Variants in BCL7A observed in about 807,000 individuals in gnomAD.
BCL7A encodes the protein BAF chromatin remodeling complex subunit BCL7A.
In BCL7A, 11 loss-of-function variants were observed where a neutral mutation model predicts 28.4. That is an observed-to-expected ratio of 0.39 (90% CI 0.24 to 0.64). The LOEUF is 0.64. Ranked by LOEUF, BCL7A falls within the 30% of genes least tolerant of loss-of-function variation. BCL7A has a pLI of 0.50. For missense variants in BCL7A, 222 were observed against 274.8 expected, an observed-to-expected ratio of 0.81 and a Z score of 1.36; for synonymous variants, 123 against 103.3, an observed-to-expected ratio of 1.19 and a Z score of -1.15.
chr12:122,036,530 AGGAAAC>A (rs917736628), intron 3 of BCL7A, among the ~76,000 whole-genome samples: 3 of 152,092 alleles, frequency 2.0e-5, no homozygotes, highest in African/African-American at 7.2e-5. Context: ...TTTATTTGAG[AGGAAAC>A]GTGCAAATGA....
chr12:122,021,918 GTGTGTGTGTGTA>G lies in BCL7A; in HGVS notation c.-162_-151del, dbSNP rs1338487641. The G allele has an allele frequency of 1.0e-3, 308 of 296,486 alleles. 2 individuals carry two copies. The highest frequency in any genetic ancestry group is 2.6e-4 in the Non-Finnish European group (40 of 153,220). 18.4% of individuals were successfully genotyped at this position (296,486 alleles called of 1,614,324 possible). A position where few individuals can be genotyped will look rare whatever the true frequency, so the allele number is the denominator to read the frequency against. On this transcript the variant is annotated 5_prime_UTR_variant, in exon 1 of 6. It removes an upstream start codon present in the reference 5' UTR. Transcript: ENST00000261822. ...CAGGCGCGCGGCGGCCCCGGGCTTT[GTGTGTGTGTGTA>G]TGTGTGTGTGTGTGTGTGTGTGTGT... is the stretch of plus-strand genomic sequence containing the variant.
chr12:122,057,197 C>A lies in BCL7A; in HGVS notation c.562-1895C>A, dbSNP rs560797829. Among the ~76,000 whole-genome samples the A allele has an allele frequency of 2.6e-5, 4 of 152,304 alleles. No homozygotes were observed. The East Asian group carries it at 7.7e-4, about 29-fold the overall frequency. On this transcript the variant is annotated intron_variant, in intron 5 of 5. Coordinates refer to ENST00000261822, the MANE Select transcript of BCL7A (RefSeq NM_001024808.3). ...GAGCCGGACATGAAGGGGGCCCAGG[C>A]TGGGACGGTGAGCTCTCCAGGCAGG...
intron 4 of BCL7A, among the ~76,000 whole-genome samples, chr12:122,051,239 G>A (rs554237720): frequency 1.6e-4 from 25 of 152,252 alleles, no homozygotes; most frequent in South Asian, 1.2e-3. Context: ...GGGCCTGCAC[G>A]GCTGCCCTGC....
At chr12:122,052,966 A>T (rs1199704849) in intron 4 of BCL7A, among the ~76,000 whole-genome samples, 1 of 145,724 alleles carries the variant, frequency 6.9e-6, no homozygotes, top group East Asian at 2.1e-4. Context: ...CTGGGATTAC[A>T]GGCGTGAGCC....
At chr12:122,023,609 T>G (rs530458016) in intron 1 of BCL7A, among the ~76,000 whole-genome samples, 1 of 152,248 alleles carries the variant, frequency 6.6e-6, no homozygotes, top group African/African-American at 2.4e-5. Context: ...TTGGCTCCAG[T>G]GGGACAAAGA....
chr12:122,036,452 C>G (rs1330785809), intron 3 of BCL7A, among the ~76,000 whole-genome samples: 2 of 152,172 alleles, frequency 1.3e-5, no homozygotes, highest in Non-Finnish European at 2.9e-5. Flanking sequence ...CTAGGTCCAT[C>G]AACCAAATCC....
At chr12:122,058,051 T>C (rs1335537793) in intron 5 of BCL7A, among the ~76,000 whole-genome samples, 3 of 150,790 alleles carry the variant, frequency 2.0e-5, no homozygotes, top group Admixed American at 6.6e-5. Context: ...AAAAAAATCA[T>C]CCGGGCATGG....
chr12:122,021,998 G>C lies in BCL7A; in HGVS notation c.-94G>C. 9.8e-7 allele frequency: 1 copy of C among 1,017,248 alleles called. No homozygotes were observed. Among genetic ancestry groups the C allele is most frequent in the South Asian group, 1.5e-5 (1 of 68,048 alleles). The allele number at this position is 1,017,248 out of a possible 1,614,324, so 63.0% of individuals were successfully genotyped here. A position where few individuals can be genotyped will look rare whatever the true frequency, so the allele number is the denominator to read the frequency against. ...AGAGTGCGAGTGTCTGTGCGCGAGT[G>C]AGTGAGCGGCGGGCGGGCGCGAGTG... On this transcript the variant is annotated 5_prime_UTR_variant, in exon 1 of 6. Coordinates refer to ENST00000261822, the MANE Select transcript of BCL7A (RefSeq NM_001024808.3).
intron 4 of BCL7A, among the ~76,000 whole-genome samples, chr12:122,053,668 C>T (rs1884244636): frequency 6.6e-6 from 1 of 151,970 alleles, no homozygotes; most frequent in Admixed American, 6.6e-5. Flanking sequence ...CCGCCACTGC[C>T]TCCTCCCAAG....
At chr12:122,025,149 G>T (rs567600992) in intron 1 of BCL7A, among the ~76,000 whole-genome samples, 1 of 152,126 alleles carries the variant, frequency 6.6e-6, no homozygotes, top group Non-Finnish European at 1.5e-5. Flanking sequence ...GCCCTGTGCT[G>T]GTGGAGGAGA....
intron 2 of BCL7A, among the ~76,000 whole-genome samples, 181 bp downstream of exon 2, chr12:122,030,962 C>T (rs1289442327): frequency 6.6e-6 from 1 of 152,186 alleles, no homozygotes; most frequent in Non-Finnish European, 1.5e-5. Context: ...CCCTCCCACT[C>T]CAGCCCCAGA....
At chr12:122,039,093 G>C (rs912257963) in intron 3 of BCL7A, among the ~76,000 whole-genome samples, 2 of 151,880 alleles carry the variant, frequency 1.3e-5, no homozygotes, top group East Asian at 1.9e-4. Flanking sequence ...TTGGGAGATC[G>C]AGACCATCCT....
chr12:122,044,309 G>C, intron 4 of BCL7A: 1 of 399,740 alleles, frequency 2.5e-6, no homozygotes, highest in Non-Finnish European at 4.5e-6. Context: ...AGGAGTTCAA[G>C]ACCAGCCTGG....
intron 4 of BCL7A, among the ~76,000 whole-genome samples, chr12:122,045,226 C>CA (rs1332840548): frequency 1.3e-4 from 20 of 152,094 alleles, no homozygotes; most frequent in East Asian, 1.9e-4. Flanking sequence ...ACTAAAAATA[C>CA]AAAAATTAGC....
chr12:122,025,946 C>CAAAAAAAAAAAA (rs1204623444), intron 1 of BCL7A, among the ~76,000 whole-genome samples: 2 of 108,164 alleles, frequency 1.8e-5, no homozygotes, highest in Non-Finnish European at 3.6e-5. Context: ...GACTCCATCT[C>CAAAAAAAAAAAA]AAAAAAAAAA....
chr12:122,054,881 G>C lies in BCL7A; in HGVS notation c.516G>C (p.Pro172=). ...GCTCAGAGAAAGTAGATCGGCAGCC[G>C]TCTGGAGACTCGGGTCTGGCCGCAG... ...MNSSEKVDRQ[P]SGDSGLAAET... The change falls in exon 5 of 6, where the codon CCG becomes CCC. Residue 172 remains proline, a synonymous_variant. Transcript: ENST00000261822. 1 of 1,614,192 alleles carries C rather than the reference G, an allele frequency of 6.2e-7. No homozygotes were observed. Among genetic ancestry groups the C allele is most frequent in the Non-Finnish European group, 8.5e-7 (1 of 1,180,042 alleles).
At chr12:122,049,429 CCCAGCA>C (rs538864128) in intron 4 of BCL7A, among the ~76,000 whole-genome samples, 231 of 152,004 alleles carry the variant, frequency 1.5e-3, no homozygotes, top group African/African-American at 5.5e-3. Flanking sequence ...TACCTGTATT[CCCAGCA>C]CTTTGGGAGG....
intron 5 of BCL7A, among the ~76,000 whole-genome samples, chr12:122,058,035 T>TA (rs879263820): frequency 2.9e-4 from 41 of 141,098 alleles, no homozygotes; most frequent in African/African-American, 3.1e-4. Context: ...ACAAAAAACT[T>TA]AAAAAAAAAA....
intron 1 of BCL7A, among the ~76,000 whole-genome samples, chr12:122,030,302 C>T (rs1241455301): frequency 6.6e-6 from 1 of 152,242 alleles, no homozygotes; most frequent in African/African-American, 2.4e-5. Context: ...GACTCCACCC[C>T]CCATGAGAGG....
Sources: gnomAD v4.1 joint callset for allele counts (sites outside exome capture counted in the v4.1 genomes callset) on GRCh38, gnomAD v4.1.1 for gene constraint, MANE v1.5 for transcripts, NCBI Gene and HGNC (gene_info 2026-07-23, HGNC 2026-07-21) for gene names.